Variants in ONECUT2 observed in about 807,000 individuals in gnomAD.
ONECUT2 encodes one cut domain family member 2.
Under a neutral mutation model 27.9 loss-of-function variants are expected in ONECUT2, and 10 were observed. That is an observed-to-expected ratio of 0.36 (90% CI 0.22 to 0.61). The LOEUF (loss-of-function observed/expected upper bound fraction) is 0.61, where lower values mean the gene tolerates loss of function less well. Ranked by LOEUF, ONECUT2 falls within the 20% of genes least tolerant of loss-of-function variation. ONECUT2 has a pLI of 0.73. For synonymous variants in ONECUT2, 334 were observed against 315.1 expected (o/e 1.06, Z -0.64); for missense variants, 686 against 721.0 (o/e 0.95, Z 0.56).
chr18:57,457,335 C>T (rs1343407209), intron 1 of ONECUT2, among the ~76,000 whole-genome samples: 1 of 152,158 alleles, frequency 6.6e-6, no homozygotes, highest in Admixed American at 6.5e-5. Flanking sequence ...TGCCTGGCCA[C>T]AAGTCTGCTG....
rs1467102055 is a variant in ONECUT2 at position 57,436,095 on chromosome 18, C to G, written c.379C>G (p.Leu127Val). Residue 127 changes from leucine (L) to valine (V), a missense_variant, in exon 1 of 2, where the codon CTG becomes GTG. Leu to Val is a conservative substitution (Grantham distance 32, BLOSUM62 1). This residue lies in a region of ONECUT2 where 511 missense variants were observed against 488.1 expected (regional missense o/e 1.05). Coordinates refer to ENST00000491143, the MANE Select transcript of ONECUT2 (RefSeq NM_004852.3). This position sits in a 1 kb window ranked among gnomAD's most constrained non-coding sequence, Gnocchi z 5.9. ...GDYRPELSIP[L>V]HHAMSMSCDS... The stretch of plus-strand genomic sequence containing the variant: ...CTACCGGCCCGAGCTCTCCATCCCG[C>G]TGCACCACGCCATGAGCATGTCCTG... 6.3e-7 allele frequency: 1 copy of G among 1,599,938 alleles called. No individual in the cohort carries two copies. The highest frequency in any genetic ancestry group is 8.5e-7 in the Non-Finnish European group (1 of 1,179,724).
Position 57,484,850 on chromosome 18 carries a change from G to C in ONECUT2, c.*8127G>C, listed in dbSNP as rs1046127827. 6.6e-6 allele frequency: 1 copy of C among 152,212 alleles called. No individual in the cohort carries two copies. Among genetic ancestry groups the C allele is most frequent in the South Asian group, 2.1e-4 (1 of 4,826 alleles). The allele number at this position is 152,212 out of a possible 1,614,324, so 9.4% of individuals were successfully genotyped here. ...ATTGTACAGTGCTACCTCTGCATGA[G>C]AGCGGTCCCACATTGACAAATAGGA... On this transcript the variant is annotated 3_prime_UTR_variant, in exon 2 of 2. Transcript: ENST00000491143.
chr18:57,471,384 G>C (rs963269369), intron 1 of ONECUT2, among the ~76,000 whole-genome samples: 9 of 152,224 alleles, frequency 5.9e-5, no homozygotes, highest in African/African-American at 2.2e-4. Flanking sequence ...CAGTTGTGGA[G>C]AGACATTCTC....
intron 1 of ONECUT2, among the ~76,000 whole-genome samples, chr18:57,461,356 T>G (rs144319617): frequency 0.013 from 1,978 of 152,330 alleles, 36 homozygotes; most frequent in African/African-American, 0.046. Context: ...CAATGAGCAT[T>G]TGGATTGTTT....
Position 57,438,081 on chromosome 18 carries a change from C to T in ONECUT2, c.1228+1137C>T, listed in dbSNP as rs143114915. Reference sequence around the variant, plus strand: ...ATTGTTCTAGGAGCACAGAAACCTCCTGTGTGGGCGGCGGGTGCGCGAGCT... The same window carrying T: ...ATTGTTCTAGGAGCACAGAAACCTCTTGTGTGGGCGGCGGGTGCGCGAGCT... On this transcript the variant is annotated intron_variant, in intron 1 of 1. Transcript: ENST00000491143. 6.3e-3 allele frequency among the ~76,000 whole-genome samples: 953 copies of T among 152,360 alleles called. 3 individuals are homozygous for T. The highest frequency in any genetic ancestry group is 9.0e-3 in the Non-Finnish European group (612 of 68,040).
chr18:57,438,102 G>T (rs1404099676), intron 1 of ONECUT2, among the ~76,000 whole-genome samples: 1 of 152,228 alleles, frequency 6.6e-6, no homozygotes. Context: ...GCGGGTGCGC[G>T]AGCTAGAGGG....
chr18:57,441,884 G>A (rs1224055894), intron 1 of ONECUT2, among the ~76,000 whole-genome samples: 3 of 152,236 alleles, frequency 2.0e-5, no homozygotes, highest in African/African-American at 7.2e-5. Flanking sequence ...GCGCTGGACT[G>A]GTCGGGTCTA....
Position 57,436,257 on chromosome 18 carries a change from C to T in ONECUT2, c.541C>T (p.His181Tyr). ...GCACCACCATCCGCACCACCACCAC[C>T]ACCACCACCACCAGCGCCTGTCCGG... ...HPHHHPHHHH[H>Y]HHHQRLSGNV... Residue 181 changes from histidine to tyrosine, a missense_variant, in exon 1 of 2, where the codon CAC becomes TAC. By Grantham distance (83) the His-to-Tyr change is moderately conservative (BLOSUM62 2). Around this residue, in one of 4 missense-constraint regions of ONECUT2, gnomAD observed 511 missense variants for 488.1 expected, o/e 1.05. Coordinates refer to ENST00000491143, the MANE Select transcript of ONECUT2 (RefSeq NM_004852.3). The surrounding 1 kb of genome is among the most constrained non-coding windows in gnomAD (Gnocchi z 5.9). The T allele has an allele frequency of 6.2e-7, 1 of 1,603,080 alleles. No homozygotes were observed. The highest frequency in any genetic ancestry group is 8.5e-7 in the Non-Finnish European group (1 of 1,178,252).
rs2050431267 is a variant in ONECUT2, at chr18:57,484,865, G to A, written c.*8142G>A. On this transcript the variant is annotated 3_prime_UTR_variant, in exon 2 of 2. Coordinates refer to ENST00000491143, the MANE Select transcript of ONECUT2 (RefSeq NM_004852.3). The stretch of plus-strand genomic sequence containing the variant: ...CTCTGCATGAGAGCGGTCCCACATT[G>A]ACAAATAGGATGGTGGCAATCCTTT... The A allele has an allele frequency of 6.6e-6, 1 of 152,194 alleles. No individual in the cohort carries two copies. The allele number at this position is 152,194 out of a possible 1,614,324, so 9.4% of individuals were successfully genotyped here.
intron 1 of ONECUT2, among the ~76,000 whole-genome samples, chr18:57,437,313 C>G (rs2050148369): frequency 6.6e-6 from 1 of 152,044 alleles, no homozygotes; most frequent in South Asian, 2.1e-4. Context: ...CCTGTCTTTC[C>G]AAGACCCACA....
intron 1 of ONECUT2, among the ~76,000 whole-genome samples, chr18:57,445,193 A>T (rs569671845): frequency 1.2e-4 from 19 of 152,330 alleles, no homozygotes; most frequent in Non-Finnish European, 2.2e-4. Context: ...CATTTGTAGC[A>T]AATCAGAAAA....
chr18:57,472,738 C>T (rs1051091777), intron 1 of ONECUT2, among the ~76,000 whole-genome samples: 18 of 152,134 alleles, frequency 1.2e-4, no homozygotes, highest in African/African-American at 4.3e-4. Context: ...ATGTATCTCA[C>T]ACAAAATATA....
At chr18:57,459,256 G>A (rs1598937444) in intron 1 of ONECUT2, among the ~76,000 whole-genome samples, 2 of 152,152 alleles carry the variant, frequency 1.3e-5, no homozygotes. Context: ...CATGCAATTG[G>A]AAACCAAAGA....
At chr18:57,465,989 G>A (rs759457347) in intron 1 of ONECUT2, among the ~76,000 whole-genome samples, 6 of 152,180 alleles carry the variant, frequency 3.9e-5, no homozygotes, top group South Asian at 2.1e-4. Context: ...ACTGCACATC[G>A]AGGGCTCCTC....
intron 1 of ONECUT2, among the ~76,000 whole-genome samples, chr18:57,456,139 A>T (rs2050258057): frequency 6.6e-6 from 1 of 152,244 alleles, no homozygotes; most frequent in Admixed American, 6.5e-5. Context: ...TGTTGGTGGG[A>T]CTGTAAGATG....
Position 57,436,542 on chromosome 18 carries a change from C to G in ONECUT2, c.826C>G (p.His276Asp). 1 of 1,612,378 alleles carries G rather than the reference C, an allele frequency of 6.2e-7. No homozygotes were observed. Among genetic ancestry groups the G allele is most frequent in the Non-Finnish European group, 8.5e-7 (1 of 1,179,896 alleles). ...TGCCATGCTGACCCGCGGTGAGCAA[C>G]ACCTGTCCCGCGGCCTGGGCACCCC... ...HTAMLTRGEQ[H>D]LSRGLGTPPA... Residue 276 changes from histidine (H) to aspartate (D), a missense_variant, in exon 1 of 2, where the codon CAC becomes GAC. By Grantham distance (81) the His-to-Asp change is moderately conservative. Coordinates refer to ENST00000491143, the MANE Select transcript of ONECUT2 (RefSeq NM_004852.3). This position sits in a 1 kb window ranked among gnomAD's most constrained non-coding sequence, Gnocchi z 5.9.
Position 57,488,165 on chromosome 18 carries a change from A to G in ONECUT2, c.*11442A>G, listed in dbSNP as rs2050447211. 1 of 152,646 alleles carries G rather than the reference A, an allele frequency of 6.6e-6. No individual in the cohort carries two copies. Among genetic ancestry groups the G allele is most frequent in the African/African-American group, 2.4e-5 (1 of 41,460 alleles). 9.5% of individuals were successfully genotyped at this position (152,646 alleles called of 1,614,324 possible). A position where few individuals can be genotyped will look rare whatever the true frequency, so the allele number is the denominator to read the frequency against. ...TATAAATTAGGTTGTGGTAATGTAAACTTTGATATATAGTCTTTTTATTTT... is the reference window on the plus strand; with the variant it reads ...TATAAATTAGGTTGTGGTAATGTAAGCTTTGATATATAGTCTTTTTATTTT... On this transcript the variant is annotated 3_prime_UTR_variant, in exon 2 of 2. Transcript: ENST00000491143.
Position 57,437,220 on chromosome 18 carries a change from C to T in ONECUT2, c.1228+276C>T, listed in dbSNP as rs538445601. Among the ~76,000 whole-genome samples the T allele has an allele frequency of 1.7e-4, 26 of 152,230 alleles. No homozygotes were observed. In the East Asian group the frequency reaches 2.1e-3, roughly 12 times the overall value. ...CCCCCCCCATTTCATTCGCCCTCCC[C>T]TCAATGTGCCAACCTTTGCCCTATT... On this transcript the variant is annotated intron_variant, in intron 1 of 1. Coordinates refer to ENST00000491143, the MANE Select transcript of ONECUT2 (RefSeq NM_004852.3).
At chr18:57,463,158 C>T (rs1173337500) in intron 1 of ONECUT2, among the ~76,000 whole-genome samples, 1 of 152,202 alleles carries the variant, frequency 6.6e-6, no homozygotes, top group Non-Finnish European at 1.5e-5. Flanking sequence ...GACACAATGC[C>T]TATCCAGTTA....
Sources: allele counts gnomAD v4.1 joint callset (sites outside exome capture counted in the v4.1 genomes callset), GRCh38; gene constraint gnomAD v4.1.1; regional missense constraint gnomAD v4.1.1; non-coding constraint Gnocchi (gnomAD v3.1); transcripts MANE v1.5; gene names NCBI Gene and HGNC (gene_info 2026-07-23, HGNC 2026-07-21).